DYNC2H1: variants seen among roughly 807,000 people sequenced by gnomAD.
The protein encoded by DYNC2H1 is cytoplasmic dynein 2 heavy chain 1.
In DYNC2H1, 410 loss-of-function variants were observed where a neutral mutation model predicts 570.0. The ratio of observed to expected loss-of-function variants is 0.72; its 90% confidence interval spans 0.66 to 0.78. The LOEUF (loss-of-function observed/expected upper bound fraction) is 0.78, where lower values mean the gene tolerates loss of function less well. Among genes scored for constraint, DYNC2H1 ranks in the 30% least tolerant of loss-of-function variants. The pLI is 0.00. For synonymous variants in DYNC2H1, 1,688 were observed against 1,677.6 expected, an observed-to-expected ratio of 1.01 and a Z score of -0.15; for missense variants, 4,865 against 5,046.4, an observed-to-expected ratio of 0.96 and a Z score of 1.09.
At chr11:103,178,060 C>T (rs1227100352) in intron 38 of DYNC2H1, among the ~76,000 whole-genome samples, 1 of 151,934 alleles carries the variant, frequency 6.6e-6, no homozygotes, top group East Asian at 1.9e-4. Flanking sequence ...AATTGTAATT[C>T]ACAACTAGAT....
intron 13 of DYNC2H1, among the ~76,000 whole-genome samples, chr11:103,132,793 A>G (rs1859345168): frequency 6.6e-6 from 1 of 151,784 alleles, no homozygotes; most frequent in African/African-American, 2.4e-5. Flanking sequence ...CCTTGTTGTG[A>G]AAGTGAGGCA....
At chr11:103,266,310 C>T (rs1001937862) in intron 70 of DYNC2H1, among the ~76,000 whole-genome samples, 1 of 152,022 alleles carries the variant, frequency 6.6e-6, no homozygotes, top group South Asian at 2.1e-4. Context: ...GCATGTGGGG[C>T]CCCTGCAGAT....
intron 22 of DYNC2H1, 141 bp from the exon 23 acceptor site, chr11:103,154,310 G>A (rs1860705742): frequency 3.1e-6 from 2 of 649,014 alleles, no homozygotes; most frequent in Non-Finnish European, 4.6e-6. Flanking sequence ...GTTTCTTATT[G>A]TTTCTTATTG....
At chr11:103,426,960 T>C (rs1943695716) in intron 84 of DYNC2H1, among the ~76,000 whole-genome samples, 1 of 152,218 alleles carries the variant, frequency 6.6e-6, no homozygotes, top group Non-Finnish European at 1.5e-5. Flanking sequence ...ATAAATGTGT[T>C]GTTTCTTGTT....
rs184871158 is a variant in DYNC2H1 at position 103,206,121 on chromosome 11, T to G, written c.8454+1157T>G. On this transcript the variant is annotated intron_variant, in intron 52 of 88. Coordinates refer to ENST00000375735, the MANE Select transcript of DYNC2H1 (RefSeq NM_001377.3). ...GGCTAAGGATGTAGTGGTAAGGTGG[T>G]GAGAAATGGTTGTATTCTGCATACA... 1.1e-3 allele frequency among the ~76,000 whole-genome samples: 160 copies of G among 152,124 alleles called. 4 individuals carry two copies. The highest frequency in any genetic ancestry group is 3.7e-3 in the African/African-American group (153 of 41,492).
In DYNC2H1 at chr11:103,334,222, C is replaced by T. The variant is rs977223801; in HGVS notation, c.12039+10232C>T. Among the ~76,000 whole-genome samples the T allele has an allele frequency of 2.6e-5, 4 of 152,056 alleles. No homozygotes were observed. Among genetic ancestry groups the T allele is most frequent in the Non-Finnish European group, 5.9e-5 (4 of 68,000 alleles). On this transcript the variant is annotated intron_variant, in intron 82 of 88. Coordinates refer to ENST00000375735, the MANE Select transcript of DYNC2H1 (RefSeq NM_001377.3). This position sits in a 1 kb window ranked among gnomAD's most constrained non-coding sequence, Gnocchi z 4.3. ...TCTCTGTTAATTCCTGAGGCAAACA[C>T]AATAATCTATTCTAGTCTCTTCACC...
chr11:103,248,029 A>C (rs1864682548), intron 65 of DYNC2H1, among the ~76,000 whole-genome samples: 1 of 152,076 alleles, frequency 6.6e-6, no homozygotes, highest in Non-Finnish European at 1.5e-5. Flanking sequence ...GGCTATGGTG[A>C]AATTTCCAGG....
At chr11:103,282,301 T>C (rs990510779) in intron 72 of DYNC2H1, 72 bp downstream of exon 72, 162 of 1,417,868 alleles carry the variant, frequency 1.1e-4, no homozygotes, top group Non-Finnish European at 1.5e-4. Flanking sequence ...TGAGGTATAA[T>C]TTGCTTCAGA....
chr11:103,150,634 A>G (rs1348317316), intron 20 of DYNC2H1, among the ~76,000 whole-genome samples: 1 of 152,166 alleles, frequency 6.6e-6, no homozygotes, highest in Admixed American at 6.6e-5. Flanking sequence ...ACAAATTTTG[A>G]AGTCTTCTTT....
At chr11:103,478,160 AC>A (rs1313831633) in intron 88 of DYNC2H1, among the ~76,000 whole-genome samples, 2 of 152,188 alleles carry the variant, frequency 1.3e-5, no homozygotes, top group Admixed American at 6.5e-5. Flanking sequence ...AGTTCATAAT[AC>A]CATTTTTTAA....
chr11:103,320,997 T>G (rs1332547714), intron 80 of DYNC2H1, 32 bp from the exon 81 acceptor site: 8 of 1,504,534 alleles, frequency 5.3e-6, no homozygotes, highest in African/African-American at 1.4e-5. Context: ...ATTTTAGAAA[T>G]GAAATTAATG....
chr11:103,192,686 A>G (rs1432103803), intron 47 of DYNC2H1, among the ~76,000 whole-genome samples: 1 of 152,212 alleles, frequency 6.6e-6, no homozygotes, highest in Non-Finnish European at 1.5e-5. Flanking sequence ...TATGCTTGTT[A>G]CCATCTTCAT....
intron 79 of DYNC2H1, among the ~76,000 whole-genome samples, chr11:103,313,732 G>A (rs1479292888): frequency 6.6e-6 from 1 of 152,192 alleles, no homozygotes; most frequent in Non-Finnish European, 1.5e-5. Flanking sequence ...ATGAAATAGT[G>A]TATGTTTAAT....
intron 47 of DYNC2H1, among the ~76,000 whole-genome samples, chr11:103,195,715 A>C (rs1862486156): frequency 6.6e-6 from 1 of 152,208 alleles, no homozygotes; most frequent in South Asian, 2.1e-4. Flanking sequence ...TTAAATCAGT[A>C]TATTGATTTG....
chr11:103,358,832 A>G (rs1940492230), intron 83 of DYNC2H1, among the ~76,000 whole-genome samples: 1 of 152,150 alleles, frequency 6.6e-6, no homozygotes, highest in Non-Finnish European at 1.5e-5. Context: ...TAATATAGCT[A>G]TTTATTCTGA....
intron 84 of DYNC2H1, chr11:103,403,804 G>T (rs919564339): frequency 6.6e-6 from 1 of 151,940 alleles, no homozygotes; most frequent in Non-Finnish European, 1.5e-5. Context: ...CTGCTGTTGG[G>T]GTTATATAAG....
chr11:103,302,722 T>C (rs1467723158), intron 75 of DYNC2H1, among the ~76,000 whole-genome samples: 1 of 152,184 alleles, frequency 6.6e-6, no homozygotes, highest in Middle Eastern at 3.4e-3. Flanking sequence ...TAATGAGATA[T>C]ATAGATTGAT....
chr11:103,115,133 C>T (rs1208598379), intron 3 of DYNC2H1, 44 bp from the exon 4 acceptor site: 5 of 1,385,382 alleles, frequency 3.6e-6, no homozygotes, highest in Admixed American at 2.2e-5. Flanking sequence ...ATTTTTTTTT[C>T]TCTGATATTC....
rs1313320689 is a variant in DYNC2H1, at chr11:103,205,142, G to C, written c.8454+178G>C. On this transcript the variant is annotated intron_variant, in intron 52 of 88. Transcript: ENST00000375735. The surrounding 1 kb of genome is among the most constrained non-coding windows in gnomAD (Gnocchi z 4.5). ...TTGCATCATAATTTAGTTGAATGTA[G>C]AATTTTAGATTGAGGATCATGTTCT... Among the ~76,000 whole-genome samples, 1 of 151,994 alleles carries C rather than the reference G, an allele frequency of 6.6e-6. No individual in the cohort carries two copies. The highest frequency in any genetic ancestry group is 2.4e-5 in the African/African-American group (1 of 41,390).
Sources: allele counts gnomAD v4.1 joint callset (sites outside exome capture counted in the v4.1 genomes callset), GRCh38; gene constraint gnomAD v4.1.1; non-coding constraint Gnocchi (gnomAD v3.1); transcripts MANE v1.5; gene names NCBI Gene and HGNC (gene_info 2026-07-23, HGNC 2026-07-21).